LIN9: variants seen among roughly 807,000 people sequenced by gnomAD.
The protein encoded by LIN9 is protein lin-9 homolog.
LIN9 carries 18 observed loss-of-function variants against 78.0 expected under a neutral mutation model. The ratio of observed to expected loss-of-function variants is 0.23; its 90% CI spans 0.16 to 0.34. The LOEUF is 0.34. Ranked by LOEUF, LIN9 falls within the 10% of genes least tolerant of loss-of-function variation. The pLI, the probability that LIN9 is intolerant of heterozygous loss-of-function variation, is 1.00. For synonymous variants in LIN9, 192 were observed against 215.2 expected (o/e 0.89, Z 0.94); for missense variants, 451 against 644.1 (o/e 0.70, Z 3.25).
At chr1:226,268,848 T>C (rs1024474768) in intron 7 of LIN9, among the ~76,000 whole-genome samples, 5 of 152,192 alleles carry the variant, frequency 3.3e-5, no homozygotes, top group African/African-American at 9.7e-5. Flanking sequence ...TTGCACGTGG[T>C]TTCCTCTGGA....
chr1:226,263,569 ACT>A (rs1351022529), intron 10 of LIN9, among the ~76,000 whole-genome samples: 1 of 152,028 alleles, frequency 6.6e-6, no homozygotes, highest in Non-Finnish European at 1.5e-5. Flanking sequence ...TCTCTCTCAA[ACT>A]CTCTCACACA....
intron 3 of LIN9, among the ~76,000 whole-genome samples, chr1:226,296,845 A>AC (rs1332311459): frequency 1.3e-5 from 2 of 151,598 alleles, no homozygotes; most frequent in Non-Finnish European, 2.9e-5. Flanking sequence ...ACACAAGGAG[A>AC]CCCCATCTCT....
intron 4 of LIN9, among the ~76,000 whole-genome samples, chr1:226,291,978 T>C (rs1336374242): frequency 6.6e-6 from 1 of 152,172 alleles, no homozygotes; most frequent in Admixed American, 6.5e-5. Flanking sequence ...AGGAGATGTT[T>C]AGCATAAATA....
intron 13 of LIN9, 37 bp from the exon 14 acceptor site, chr1:226,233,230 T>C (rs1308904413): frequency 7.2e-6 from 11 of 1,537,072 alleles, no homozygotes; most frequent in East Asian, 2.3e-5. Context: ...AATTGCATTA[T>C]AGCTCAAATA....
At chr1:226,249,591 T>A (rs1658699955) in intron 11 of LIN9, among the ~76,000 whole-genome samples, 2 of 152,186 alleles carry the variant, frequency 1.3e-5, no homozygotes, top group South Asian at 4.1e-4. Context: ...GATACCTAAC[T>A]GTATCCACAC....
Position 226,277,776 on chromosome 1 carries a change from T to C in LIN9, c.681A>G (p.Thr227=). The change falls in exon 7 of 15, where the codon ACA becomes ACG. Residue 227 remains threonine (T), a splice_region_variant and synonymous_variant. Transcript: ENST00000681046. ...AGTAATTAGCTTGTTTTCACTTACC[T>C]GTAACTTTCGTTCCAATAACCAGAG... is the stretch of plus-strand genomic sequence containing the variant. ...PLPLVIGTKV[T]ARLRGVHDGL... is the part of the protein sequence containing the mutation. The C allele has an allele frequency of 6.2e-7, 1 of 1,612,674 alleles. No individual in the cohort carries two copies. Among genetic ancestry groups the C allele is most frequent in the Non-Finnish European group, 8.5e-7 (1 of 1,179,466 alleles).
intron 4 of LIN9, among the ~76,000 whole-genome samples, chr1:226,295,484 A>T (rs2126576): frequency 0.7 from 105,412 of 150,686 alleles, 37,711 homozygotes; most frequent in Non-Finnish European, 0.77. Context: ...ATATATATAT[A>T]TTTTTTTCCT....
chr1:226,303,821 G>A (rs934043628), intron 1 of LIN9, among the ~76,000 whole-genome samples: 5 of 152,168 alleles, frequency 3.3e-5, no homozygotes, highest in Non-Finnish European at 7.4e-5. Flanking sequence ...TGGCCAGGCT[G>A]GTCTCGAACT....
intron 7 of LIN9, among the ~76,000 whole-genome samples, chr1:226,273,608 T>C (rs1218524055): frequency 2.0e-5 from 3 of 152,110 alleles, no homozygotes; most frequent in Non-Finnish European, 2.9e-5. Flanking sequence ...TTGCATTTGT[T>C]TTCTTCTTCT....
intron 10 of LIN9, among the ~76,000 whole-genome samples, chr1:226,253,358 G>GC (rs1553276463): frequency 1.3e-5 from 2 of 150,876 alleles, no homozygotes; most frequent in Non-Finnish European, 3.0e-5. Flanking sequence ...AGGCTAGAAC[G>GC]CAACTGCATG....
chr1:226,288,524 C>G (rs1661518046), intron 4 of LIN9, among the ~76,000 whole-genome samples: 1 of 151,984 alleles, frequency 6.6e-6, no homozygotes. Context: ...TCAAGAAAAT[C>G]AACTGTAACA....
At chr1:226,279,747 G>A (rs1339280247) in intron 6 of LIN9, among the ~76,000 whole-genome samples, 3 of 138,396 alleles carry the variant, frequency 2.2e-5, no homozygotes, top group Non-Finnish European at 4.6e-5. Flanking sequence ...TCCAGCCTGG[G>A]CAACAGAGCA....
chr1:226,243,365 A>G (rs1180828509), intron 11 of LIN9, among the ~76,000 whole-genome samples: 1 of 152,204 alleles, frequency 6.6e-6, no homozygotes, highest in Non-Finnish European at 1.5e-5. Flanking sequence ...ATACAGTGAA[A>G]AGCAGAATGT....
intron 2 of LIN9, among the ~76,000 whole-genome samples, chr1:226,300,815 C>T (rs1040563969): frequency 1.3e-4 from 19 of 151,878 alleles, no homozygotes; most frequent in Middle Eastern, 3.4e-3. Context: ...AAGATTGCAC[C>T]GTTGTACTCC....
chr1:226,254,588 C>A (rs1659064564), intron 10 of LIN9, among the ~76,000 whole-genome samples: 1 of 151,990 alleles, frequency 6.6e-6, no homozygotes, highest in Admixed American at 6.6e-5. Flanking sequence ...CATCCTAACA[C>A]CAGGTAAAAA....
At chr1:226,296,720 T>C (rs1312723419) in intron 3 of LIN9, among the ~76,000 whole-genome samples, 1 of 152,044 alleles carries the variant, frequency 6.6e-6, no homozygotes, top group East Asian at 1.9e-4. Context: ...CTATGAACCC[T>C]TGAAATTAAA....
intron 11 of LIN9, 73 bp from the exon 12 acceptor site, chr1:226,239,169 A>G: frequency 6.7e-7 from 1 of 1,493,236 alleles, no homozygotes; most frequent in Non-Finnish European, 9.2e-7. Context: ...ATCTAAAAGG[A>G]GATTTGACTT....
intron 2 of LIN9, 114 bp downstream of exon 2, chr1:226,301,059 C>T (rs959393150): frequency 1.1e-5 from 7 of 642,098 alleles, no homozygotes; most frequent in African/African-American, 9.2e-5. Context: ...AAAACCAATA[C>T]TGAAAAGCTA....
At chr1:226,274,747 T>C (rs1372775434) in intron 7 of LIN9, among the ~76,000 whole-genome samples, 1 of 152,112 alleles carries the variant, frequency 6.6e-6, no homozygotes, top group Non-Finnish European at 1.5e-5. Flanking sequence ...CCCAGTCTTT[T>C]AGTGTTTCCA....
Sources: allele counts gnomAD v4.1 joint callset (sites outside exome capture counted in the v4.1 genomes callset), GRCh38; gene constraint gnomAD v4.1.1; transcripts MANE v1.5; gene names NCBI Gene and HGNC (gene_info 2026-07-23, HGNC 2026-07-21).